Variants in C6orf89 observed in about 807,000 individuals in gnomAD.
C6orf89 encodes bombesin receptor-activated protein C6orf89.
Under a neutral mutation model 40.7 loss-of-function variants are expected in C6orf89, and 29 were observed. The ratio of observed to expected loss-of-function variants is 0.71; its 90% confidence interval spans 0.53 to 0.97. The LOEUF is 0.97. Ranked by LOEUF, C6orf89 falls within the 50% of genes least tolerant of loss-of-function variation. The pLI, the probability that C6orf89 is intolerant of heterozygous loss-of-function variation, is 0.00. For missense variants in C6orf89, 392 were observed against 429.1 expected, an observed-to-expected ratio of 0.91 and a Z score of 0.76; for synonymous variants, 165 against 152.2, an observed-to-expected ratio of 1.08 and a Z score of -0.62.
At position 36,916,588 on chromosome 6, in the gene C6orf89, A is replaced by G. The variant is rs200678588; in HGVS notation, c.825+14A>G. 16 of 1,612,856 alleles carry G rather than the reference A, an allele frequency of 9.9e-6. No homozygotes were observed. The East Asian group carries it at 3.3e-4, about 34-fold the overall frequency. The stretch of plus-strand genomic sequence containing the variant: ...GTGGGGAGTAAGGTAGGAAATTTTG[A>G]GAGGACTTGGATCTAGAATTTTCTT... On this transcript the variant is annotated intron_variant, in intron 7 of 8. Coordinates refer to ENST00000480824, the MANE Select transcript of C6orf89 (RefSeq NM_001286635.2).
intron 1 of C6orf89, among the ~76,000 whole-genome samples, chr6:36,887,032 A>G (rs369717511): frequency 1.3e-5 from 2 of 152,232 alleles, no homozygotes; most frequent in East Asian, 3.9e-4. Flanking sequence ...CAGCTACTCC[A>G]CACACCAGAA....
In C6orf89 at chr6:36,914,621, G is replaced by C. The variant is rs143850053; in HGVS notation, c.623G>C (p.Gly208Ala). 15 of 1,614,144 alleles carry C rather than the reference G, an allele frequency of 9.3e-6. No individual in the cohort carries two copies. Among genetic ancestry groups the C allele is most frequent in the Middle Eastern group, 1.6e-4 (1 of 6,084 alleles). Residue 208 changes from glycine to alanine, a missense_variant, in exon 6 of 9, where the codon GGC becomes GCC. Physicochemically the swap from Gly to Ala is moderately conservative, Grantham distance 60. Transcript: ENST00000480824. ...TGCCAGTACCCTGAGGCGACAGAAG[G>C]CTTCTCTGAAGGGTTTTTCGCCAAG... ...FLCQYPEATEGFSEGFFAKWW... is the reference protein window; with the variant it reads ...FLCQYPEATEAFSEGFFAKWW...
upstream of C6orf89, among the ~76,000 whole-genome samples, chr6:36,881,677 AAAAACAAAACAAAAC>A (rs540974668): frequency 2.0e-5 from 3 of 152,236 alleles, no homozygotes; most frequent in Non-Finnish European, 2.9e-5. Flanking sequence ...TCCATCTCGA[AAAAACAAAACAAAAC>A]AAAACAAAAC....
intron 7 of C6orf89, among the ~76,000 whole-genome samples, chr6:36,917,703 C>G (rs1583199611): frequency 7.0e-6 from 1 of 142,830 alleles, no homozygotes; most frequent in South Asian, 2.3e-4. Context: ...GGTGGAGATG[C>G]TGGGCTCTTG....
At position 36,928,489 on chromosome 6, in the gene C6orf89, G is replaced by A; in HGVS notation, c.*5048G>A. ...GGACCCTTCCAGGGAGGTGACAGGA[G>A]CCAGCAGACACATGACATTCCCAGA... On this transcript the variant is annotated 3_prime_UTR_variant, in exon 9 of 9. Coordinates refer to ENST00000480824, the MANE Select transcript of C6orf89 (RefSeq NM_001286635.2). The A allele has an allele frequency of 6.5e-6, 1 of 153,034 alleles. No homozygotes were observed. The highest frequency in any genetic ancestry group is 1.5e-5 in the Non-Finnish European group (1 of 68,462). 9.5% of individuals were successfully genotyped at this position (153,034 alleles called of 1,614,324 possible).
chr6:36,904,535 G>A (rs938235379), intron 4 of C6orf89, among the ~76,000 whole-genome samples: 11 of 152,148 alleles, frequency 7.2e-5, no homozygotes, highest in African/African-American at 2.7e-4. Flanking sequence ...AGCATTTTGC[G>A]TAGCATTTGG....
chr6:36,926,566 AG>A lies in C6orf89; in HGVS notation c.*3126del, dbSNP rs201056751. On this transcript the variant is annotated 3_prime_UTR_variant, in exon 9 of 9. Coordinates refer to ENST00000480824, the MANE Select transcript of C6orf89 (RefSeq NM_001286635.2). ...AAAGAAAAGAAAAAAAAAAAGAGAG[AG>A]AGAAAAGAAGAGGGGAGGGGAGGGA... is the stretch of plus-strand genomic sequence containing the variant. 1.7e-5 allele frequency: 2 copies of A among 115,026 alleles called. No individual in the cohort carries two copies. The highest frequency in any genetic ancestry group is 3.4e-5 in the Non-Finnish European group (2 of 59,040). 7.1% of individuals were successfully genotyped at this position (115,026 alleles called of 1,614,324 possible).
intron 3 of C6orf89, among the ~76,000 whole-genome samples, chr6:36,900,751 G>A (rs746693795): frequency 1.1e-4 from 17 of 151,946 alleles, no homozygotes; most frequent in Non-Finnish European, 1.6e-4. Flanking sequence ...CTTGAGTCCA[G>A]TCAATCACTG....
chr6:36,887,284 T>C (rs756231446), intron 1 of C6orf89, among the ~76,000 whole-genome samples: 10 of 152,208 alleles, frequency 6.6e-5, no homozygotes, highest in Non-Finnish European at 1.5e-4. Flanking sequence ...AAACATAAAA[T>C]GAATAAACCA....
intron 1 of C6orf89, among the ~76,000 whole-genome samples, chr6:36,876,597 G>A (rs192438182): frequency 1.3e-5 from 2 of 152,116 alleles, no homozygotes; most frequent in Admixed American, 6.5e-5. Context: ...AGTGGTGCAT[G>A]CCTGTAATCC....
At chr6:36,892,302 G>A (rs778364203) in intron 1 of C6orf89, among the ~76,000 whole-genome samples, 14 of 152,154 alleles carry the variant, frequency 9.2e-5, no homozygotes, top group Non-Finnish European at 1.8e-4. Context: ...TTACCCACCA[G>A]ATGCTAATAG....
intron 4 of C6orf89, among the ~76,000 whole-genome samples, chr6:36,909,465 T>C (rs1008823348): frequency 5.9e-5 from 9 of 152,196 alleles, no homozygotes; most frequent in African/African-American, 1.7e-4. Context: ...CAAGTTGCAT[T>C]TCATTGATTA....
In C6orf89 at chr6:36,902,362, A is replaced by G. The variant is rs138148342; in HGVS notation, c.331A>G (p.Ile111Val). ...IHHIRLMSLP[I>V]AKKYMSENKG... is the part of the protein sequence containing the mutation. Reference sequence around the variant, plus strand: ...TCACATTAGGCTGATGTCCTTGCCCATTGCCAAGAAGTACATGTCAGAAAA... The same window carrying G: ...TCACATTAGGCTGATGTCCTTGCCCGTTGCCAAGAAGTACATGTCAGAAAA... The change falls in exon 4 of 9, where the codon ATT becomes GTT. Residue 111 changes from isoleucine to valine, a missense_variant. Coordinates refer to ENST00000480824, the MANE Select transcript of C6orf89 (RefSeq NM_001286635.2). 2.5e-6 allele frequency: 4 copies of G among 1,614,202 alleles called. No homozygotes were observed. Among genetic ancestry groups the G allele is most frequent in the Non-Finnish European group, 3.4e-6 (4 of 1,180,042 alleles).
intron 2 of C6orf89, among the ~76,000 whole-genome samples, chr6:36,898,544 G>T (rs762561516): frequency 6.6e-6 from 1 of 152,018 alleles, no homozygotes; most frequent in Admixed American, 6.6e-5. Context: ...CTCCCGAAGT[G>T]CTGGGATTAC....
chr6:36,873,127 A>T (rs1391414311), intron 1 of C6orf89, among the ~76,000 whole-genome samples: 1 of 152,252 alleles, frequency 6.6e-6, no homozygotes, highest in Non-Finnish European at 1.5e-5. Context: ...ATTCTGGAGG[A>T]TATTTTCAAA....
chr6:36,923,218 G>A, intron 8 of C6orf89, 129 bp from the exon 9 acceptor site: 1 of 626,110 alleles, frequency 1.6e-6, no homozygotes. Flanking sequence ...AAATTAAATA[G>A]AAAAAGATTT....
chr6:36,892,957 C>T (rs1159811847), intron 1 of C6orf89: 1 of 150,654 alleles, frequency 6.6e-6, no homozygotes, highest in Non-Finnish European at 1.5e-5. Context: ...TTTTTTGAGA[C>T]GGAGTCTCGC....
rs935403880 is a variant in C6orf89, at chr6:36,899,503, T to G, written c.59T>G (p.Leu20Trp). The change falls in exon 3 of 9, where the codon TTG becomes TGG. Residue 20 changes from leucine (L) to tryptophan (W), a missense_variant. By Grantham distance (61) the Leu-to-Trp change is moderately conservative. Coordinates refer to ENST00000480824, the MANE Select transcript of C6orf89 (RefSeq NM_001286635.2). ...GACAAACTTTCAGAGACTGTTGATTTGGTGAGACAGACCGGCCATCAGTGT... is the reference window on the plus strand; with the variant it reads ...GACAAACTTTCAGAGACTGTTGATTGGGTGAGACAGACCGGCCATCAGTGT... Reference protein sequence around the residue: ...IYDKLSETVDLVRQTGHQCGM... With the variant: ...IYDKLSETVDWVRQTGHQCGM... 2 of 1,614,124 alleles carry G rather than the reference T, an allele frequency of 1.2e-6. No homozygotes were observed. Among genetic ancestry groups the G allele is most frequent in the Non-Finnish European group, 1.7e-6 (2 of 1,180,018 alleles).
chr6:36,891,389 A>G (rs534940176), intron 1 of C6orf89, among the ~76,000 whole-genome samples: 63 of 152,258 alleles, frequency 4.1e-4, no homozygotes, highest in African/African-American at 1.4e-3. Flanking sequence ...AATCCAGTCT[A>G]TCATTGATGG....
Sources: gnomAD v4.1 joint callset for allele counts (sites outside exome capture counted in the v4.1 genomes callset) on GRCh38, gnomAD v4.1.1 for gene constraint, MANE v1.5 for transcripts, NCBI Gene and HGNC (gene_info 2026-07-23, HGNC 2026-07-21) for gene names.